CDH12: variants seen among roughly 807,000 people sequenced by gnomAD.
CDH12 encodes cadherin-12.
CDH12 carries 41 observed loss-of-function variants against 74.1 expected under a neutral mutation model. The observed-to-expected ratio is 0.55, with a 90% CI of 0.43 to 0.72. CDH12 has a LOEUF of 0.72. CDH12 is among the 30% of genes least tolerant of loss of function. The pLI, the probability that CDH12 is intolerant of heterozygous loss-of-function variation, is 0.00. For synonymous variants in CDH12, 399 were observed against 355.0 expected (o/e 1.12, Z -1.39); for missense variants, 945 against 977.2 (o/e 0.97, Z 0.44).
chr5:22,309,809 T>C (rs1222089816), intron 3 of CDH12, among the ~76,000 whole-genome samples: 1 of 151,978 alleles, frequency 6.6e-6, no homozygotes, highest in Non-Finnish European at 1.5e-5. Context: ...TGATTGATAG[T>C]TTCTGCCAGT....
chr5:22,052,624 G>A (rs558108463), intron 5 of CDH12, among the ~76,000 whole-genome samples: 2 of 151,974 alleles, frequency 1.3e-5, no homozygotes, highest in Non-Finnish European at 2.9e-5. Flanking sequence ...TGCAAGATTT[G>A]TTTTTCCTTA....
At chr5:22,222,586 A>G (rs528096734) in intron 3 of CDH12, among the ~76,000 whole-genome samples, 1 of 151,736 alleles carries the variant, frequency 6.6e-6, no homozygotes, top group South Asian at 2.1e-4. Context: ...TATATTCTAA[A>G]CTCTTATGGA....
intron 1 of CDH12, among the ~76,000 whole-genome samples, chr5:22,627,839 C>A (rs938806192): frequency 2.0e-5 from 3 of 152,004 alleles, no homozygotes; most frequent in Non-Finnish European, 4.4e-5. Context: ...CTTCAAGACA[C>A]CCATCTCACA....
intron 6 of CDH12, among the ~76,000 whole-genome samples, chr5:21,877,245 C>A (rs1751984657): frequency 6.6e-6 from 1 of 151,570 alleles, no homozygotes; most frequent in Non-Finnish European, 1.5e-5. Context: ...TGTTCTTTTT[C>A]ATTCAGGTAA....
intron 3 of CDH12, among the ~76,000 whole-genome samples, chr5:22,358,838 CTGTTA>C (rs1172365770): frequency 3.3e-5 from 5 of 152,148 alleles, no homozygotes; most frequent in Non-Finnish European, 7.4e-5. Flanking sequence ...TCACTAAATT[CTGTTA>C]TAATTGTTCA....
chr5:21,899,761 T>C (rs1753296962), intron 6 of CDH12, among the ~76,000 whole-genome samples: 1 of 141,170 alleles, frequency 7.1e-6, no homozygotes, highest in Non-Finnish European at 1.6e-5. Context: ...ATTATTAATA[T>C]AATAATAACA....
chr5:22,028,247 G>C (rs1047181139), intron 5 of CDH12, among the ~76,000 whole-genome samples: 1 of 151,930 alleles, frequency 6.6e-6, no homozygotes, highest in African/African-American at 2.4e-5. Flanking sequence ...CATAGTGTTG[G>C]AAGTTCTGGC....
intron 2 of CDH12, among the ~76,000 whole-genome samples, chr5:22,424,025 A>AAAG (rs1743783022): frequency 6.8e-6 from 1 of 147,628 alleles, no homozygotes; most frequent in African/African-American, 2.5e-5. Flanking sequence ...AAAAAAAAAA[A>AAAG]AAGAAAAGAA....
At chr5:22,424,043 A>G (rs1217644690) in intron 2 of CDH12, among the ~76,000 whole-genome samples, 1 of 149,802 alleles carries the variant, frequency 6.7e-6, no homozygotes, top group Non-Finnish European at 1.5e-5. Context: ...GAAAAGAAAA[A>G]GAAAGAAAAA....
At chr5:22,746,626 A>G (rs558483627) in intron 1 of CDH12, among the ~76,000 whole-genome samples, 159 of 152,310 alleles carry the variant, frequency 1.0e-3, no homozygotes, top group African/African-American at 3.8e-3. Flanking sequence ...TTAAAACCAC[A>G]TGTAAATGAT....
At chr5:22,080,415 A>T (rs970862614) in intron 4 of CDH12, among the ~76,000 whole-genome samples, 1 of 152,206 alleles carries the variant, frequency 6.6e-6, no homozygotes, top group Admixed American at 6.5e-5. Context: ...AACCTAAAAA[A>T]AATAAAATAA....
chr5:22,581,052 G>GA (rs1213153379), intron 1 of CDH12, among the ~76,000 whole-genome samples: 11 of 152,060 alleles, frequency 7.2e-5, no homozygotes, highest in South Asian at 2.1e-4. Context: ...CAATGCAATA[G>GA]AAAAAAAATC....
intron 5 of CDH12, among the ~76,000 whole-genome samples, chr5:22,007,169 T>C (rs1455328643): frequency 6.6e-6 from 1 of 152,120 alleles, no homozygotes; most frequent in Non-Finnish European, 1.5e-5. Flanking sequence ...AGGAAACCAA[T>C]AAAGGTAATA....
intron 5 of CDH12, among the ~76,000 whole-genome samples, chr5:22,003,537 G>T (rs1256205375): frequency 6.6e-6 from 1 of 152,182 alleles, no homozygotes; most frequent in Non-Finnish European, 1.5e-5. Flanking sequence ...CGTTTTGAAA[G>T]GGCCTCAATT....
At chr5:22,750,060 T>C (rs1391090264) in intron 1 of CDH12, among the ~76,000 whole-genome samples, 2 of 152,182 alleles carry the variant, frequency 1.3e-5, no homozygotes, top group East Asian at 3.9e-4. Flanking sequence ...GCACTCAATT[T>C]TCCTGTGCAG....
chr5:22,271,771 CA>C (rs1736410789), intron 3 of CDH12, among the ~76,000 whole-genome samples: 1 of 150,004 alleles, frequency 6.7e-6, no homozygotes, highest in Admixed American at 6.7e-5. Flanking sequence ...TGTCAATGAG[CA>C]GTAATATTTT....
At chr5:22,719,978 ATG>A (rs1313341484) in intron 1 of CDH12, among the ~76,000 whole-genome samples, 1 of 151,992 alleles carries the variant, frequency 6.6e-6, no homozygotes. Flanking sequence ...GCCATGCAAT[ATG>A]TGTTTGTCTT....
At chr5:22,493,626 G>T (rs1377479104) in intron 2 of CDH12, among the ~76,000 whole-genome samples, 1 of 151,644 alleles carries the variant, frequency 6.6e-6, no homozygotes, top group African/African-American at 2.4e-5. Flanking sequence ...CCATTGAGAT[G>T]ATCTGAAAGT....
intron 2 of CDH12, among the ~76,000 whole-genome samples, chr5:22,420,424 T>C (rs1273788318): frequency 1.3e-5 from 2 of 152,162 alleles, no homozygotes; most frequent in Non-Finnish European, 2.9e-5. Context: ...CATTATTAAA[T>C]AGAGAATCCT....
Sources: gnomAD v4.1 joint callset for allele counts (sites outside exome capture counted in the v4.1 genomes callset) on GRCh38, gnomAD v4.1.1 for gene constraint, MANE v1.5 for transcripts, NCBI Gene and HGNC (gene_info 2026-07-23, HGNC 2026-07-21) for gene names.